Variants in NARS2 observed in about 807,000 individuals in gnomAD.
The protein encoded by NARS2 is asparaginyl-tRNA synthetase.
A neutral mutation model predicts 62.9 loss-of-function variants in NARS2; 60 were observed. The ratio of observed to expected loss-of-function variants is 0.95; its 90% CI spans 0.77 to 1.18. The LOEUF is 1.18. Ranked by LOEUF, NARS2 falls within the 50% of genes most tolerant of loss-of-function variation. The pLI is 0.00. For missense variants in NARS2, 619 were observed against 576.4 expected (o/e 1.07, Z -0.76); for synonymous variants, 196 against 200.0 (o/e 0.98, Z 0.17).
Position 78,469,316 on chromosome 11 carries a change from G to T in NARS2, c.960-3C>A. On this transcript the variant is annotated splice_region_variant and splice_polypyrimidine_tract_variant and intron_variant, in intron 9 of 13. Transcript: ENST00000281038. Reference sequence around the variant, plus strand: ...CCACTGCTTCAGTATAAGAAATGCTGGAGGAAAACAGGATACAAGCAGAGA... The same window carrying T: ...CCACTGCTTCAGTATAAGAAATGCTTGAGGAAAACAGGATACAAGCAGAGA... The T allele has an allele frequency of 6.2e-7, 1 of 1,611,516 alleles. No homozygotes were observed. The highest frequency in any genetic ancestry group is 1.1e-5 in the South Asian group (1 of 91,034).
intron 6 of NARS2, among the ~76,000 whole-genome samples, chr11:78,494,362 T>C (rs1438799239): frequency 6.6e-6 from 1 of 152,184 alleles, no homozygotes; most frequent in Non-Finnish European, 1.5e-5. Flanking sequence ...GCTATGATCC[T>C]TGATCCTGAG....
At chr11:78,563,885 G>GTATTATTAT (rs550249150) in intron 4 of NARS2, among the ~76,000 whole-genome samples, 1,856 of 82,010 alleles carry the variant, frequency 0.023, 33 homozygotes, top group African/African-American at 0.034. Context: ...CACACACACA[G>GTATTATTAT]TATTATTATT....
At chr11:78,461,242 A>G (rs1858383267) in intron 11 of NARS2, among the ~76,000 whole-genome samples, 1 of 152,172 alleles carries the variant, frequency 6.6e-6, no homozygotes, top group South Asian at 2.1e-4. Flanking sequence ...CAGATGAAAT[A>G]ACATGAGGAA....
At chr11:78,567,056 T>C (rs1310237437) in intron 3 of NARS2, among the ~76,000 whole-genome samples, 1 of 152,124 alleles carries the variant, frequency 6.6e-6, no homozygotes. Context: ...ATATCATAAT[T>C]CTAGGGGTCA....
Position 78,482,696 on chromosome 11 carries a change from A to G in NARS2, c.823-4013T>C, listed in dbSNP as rs376555632. ...GCCCTCCCAAGACTAAACCAGGAAG[A>G]AGTCCAATCCCTGAATAGACCAATA... On this transcript the variant is annotated intron_variant, in intron 7 of 13. Coordinates refer to ENST00000281038, the MANE Select transcript of NARS2 (RefSeq NM_024678.6). 3.3e-5 allele frequency among the ~76,000 whole-genome samples: 5 copies of G among 152,222 alleles called. No homozygotes were observed. In the East Asian group the frequency reaches 5.8e-4, roughly 18 times the overall value.
intron 3 of NARS2, among the ~76,000 whole-genome samples, chr11:78,568,429 T>C (rs1051705288): frequency 6.6e-6 from 1 of 152,182 alleles, no homozygotes. Context: ...ACCACAGAGA[T>C]GCAAAAATCA....
intron 5 of NARS2, among the ~76,000 whole-genome samples, chr11:78,531,991 T>C (rs1227727119): frequency 6.6e-6 from 1 of 152,190 alleles, no homozygotes; most frequent in Non-Finnish European, 1.5e-5. Context: ...TAAATGCCAC[T>C]GAAATGTACC....
intron 5 of NARS2, among the ~76,000 whole-genome samples, chr11:78,551,447 A>T (rs1163731681): frequency 6.6e-6 from 1 of 152,222 alleles, no homozygotes; most frequent in East Asian, 1.9e-4. Flanking sequence ...TTATGGGATC[A>T]CCATGGTATA....
At chr11:78,540,895 A>C (rs905738644) in intron 5 of NARS2, among the ~76,000 whole-genome samples, 4 of 152,136 alleles carry the variant, frequency 2.6e-5, no homozygotes, top group Non-Finnish European at 2.9e-5. Flanking sequence ...TAATTTTTTC[A>C]CGCCTGTAAT....
At chr11:78,508,865 A>G (rs1351477657) in intron 6 of NARS2, among the ~76,000 whole-genome samples, 4 of 152,166 alleles carry the variant, frequency 2.6e-5, no homozygotes, top group Non-Finnish European at 5.9e-5. Context: ...GTGCAATCCC[A>G]GCACTTTGGG....
intron 7 of NARS2, among the ~76,000 whole-genome samples, chr11:78,488,358 G>A (rs1392099311): frequency 6.6e-6 from 1 of 152,154 alleles, no homozygotes; most frequent in African/African-American, 2.4e-5. Context: ...AGGGAGGCAT[G>A]AGGGTGTTGA....
intron 10 of NARS2, among the ~76,000 whole-genome samples, chr11:78,466,739 C>A (rs1172202448): frequency 6.6e-6 from 1 of 152,152 alleles, no homozygotes; most frequent in Non-Finnish European, 1.5e-5. Context: ...CCTTGGCCTC[C>A]CAAAGTGCTG....
chr11:78,517,787 T>C (rs1860967121), intron 6 of NARS2, among the ~76,000 whole-genome samples: 1 of 152,232 alleles, frequency 6.6e-6, no homozygotes, highest in South Asian at 2.1e-4. Context: ...GTCAATACTA[T>C]ACAGAAAATG....
intron 5 of NARS2, among the ~76,000 whole-genome samples, chr11:78,547,381 T>C (rs1387291833): frequency 6.6e-6 from 1 of 152,144 alleles, no homozygotes; most frequent in Non-Finnish European, 1.5e-5. Flanking sequence ...AACTTGTGCA[T>C]ACTATCATGT....
At chr11:78,523,522 A>G (rs1440641254) in intron 6 of NARS2, among the ~76,000 whole-genome samples, 7 of 152,240 alleles carry the variant, frequency 4.6e-5, no homozygotes, top group Non-Finnish European at 1.0e-4. Flanking sequence ...CCAAATGTTC[A>G]CAGCAACATT....
At chr11:78,438,250 A>C (rs1356136097) in intron 13 of NARS2, among the ~76,000 whole-genome samples, 1 of 152,214 alleles carries the variant, frequency 6.6e-6, no homozygotes, top group Non-Finnish European at 1.5e-5. Flanking sequence ...CAGGTAAGAG[A>C]CCAACATTAC....
intron 8 of NARS2, 26 bp from the exon 9 acceptor site, chr11:78,478,501 T>C (rs965206880): frequency 1.6e-6 from 2 of 1,227,528 alleles, no homozygotes. Context: ...AAAAAGAAAA[T>C]TTTAAAAATA....
At chr11:78,518,812 C>T (rs1030065130) in intron 6 of NARS2, among the ~76,000 whole-genome samples, 23 of 152,048 alleles carry the variant, frequency 1.5e-4, no homozygotes, top group African/African-American at 5.1e-4. Context: ...CCACTGCACC[C>T]GGCCAGAATT....
chr11:78,482,941 G>C (rs538929773), intron 7 of NARS2, among the ~76,000 whole-genome samples: 1 of 152,214 alleles, frequency 6.6e-6, no homozygotes, highest in African/African-American at 2.4e-5. Context: ...AACAAAAAAA[G>C]AAAATTTCAG....
Sources: allele counts gnomAD v4.1 joint callset (sites outside exome capture counted in the v4.1 genomes callset), GRCh38; gene constraint gnomAD v4.1.1; transcripts MANE v1.5; gene names NCBI Gene and HGNC (gene_info 2026-07-23, HGNC 2026-07-21).